Variants in CCBE1 observed in about 807,000 individuals in gnomAD.
CCBE1 encodes collagen and calcium-binding EGF domain-containing protein 1.
A neutral mutation model predicts 50.0 loss-of-function variants in CCBE1; 37 were observed. The observed-to-expected ratio is 0.74, with a 90% CI of 0.57 to 0.97. The LOEUF is 0.97. Ranked by LOEUF, CCBE1 falls within the 50% of genes least tolerant of loss-of-function variation. CCBE1 has a pLI of 0.00. For synonymous variants in CCBE1, 234 were observed against 203.7 expected (o/e 1.15, Z -1.27); for missense variants, 538 against 523.8 (o/e 1.03, Z -0.26).
At chr18:59,609,493 A>T (rs2053543329) in intron 2 of CCBE1, among the ~76,000 whole-genome samples, 1 of 152,214 alleles carries the variant, frequency 6.6e-6, no homozygotes, top group Non-Finnish European at 1.5e-5. Context: ...CTAGACAGGA[A>T]TCATCCTTGG....
chr18:59,513,543 T>C (rs1193961249), intron 2 of CCBE1, among the ~76,000 whole-genome samples: 1 of 152,184 alleles, frequency 6.6e-6, no homozygotes, highest in Non-Finnish European at 1.5e-5. Context: ...CAGGTAAGTC[T>C]GGAGGCAGGT....
At chr18:59,696,497 C>G (rs539003531) in intron 2 of CCBE1, 132 bp downstream of exon 2, 2 of 1,542,130 alleles carry the variant, frequency 1.3e-6, no homozygotes, top group Non-Finnish European at 1.7e-6. Flanking sequence ...CCGCGCGGCA[C>G]GCACCCAGCA....
intron 2 of CCBE1, among the ~76,000 whole-genome samples, chr18:59,562,052 G>C (rs78241652): frequency 0.018 from 2,779 of 152,304 alleles, 68 homozygotes; most frequent in African/African-American, 0.056. Context: ...AGAGAAGATA[G>C]GTCTAGGTTT....
intron 2 of CCBE1, among the ~76,000 whole-genome samples, chr18:59,492,982 C>A (rs1244372297): frequency 2.6e-5 from 4 of 152,240 alleles, no homozygotes; most frequent in African/African-American, 9.6e-5. Context: ...TCCCACCACA[C>A]TGTGGGCAGT....
chr18:59,554,569 G>A (rs1349160673), intron 2 of CCBE1, among the ~76,000 whole-genome samples: 1 of 152,156 alleles, frequency 6.6e-6, no homozygotes, highest in East Asian at 1.9e-4. Flanking sequence ...TCGCCTTTGA[G>A]TCACTAGTCC....
chr18:59,493,950 C>T (rs1598949889), intron 2 of CCBE1, among the ~76,000 whole-genome samples: 1 of 152,268 alleles, frequency 6.6e-6, no homozygotes, highest in South Asian at 2.1e-4. Flanking sequence ...TCTCTCTTTG[C>T]CTGCCACCAT....
At chr18:59,562,760 A>G (rs1335140242) in intron 2 of CCBE1, among the ~76,000 whole-genome samples, 1 of 152,164 alleles carries the variant, frequency 6.6e-6, no homozygotes, top group Non-Finnish European at 1.5e-5. Flanking sequence ...TTCCCTGAGC[A>G]CTCAGCTGTC....
At chr18:59,458,975 T>A (rs1911336121) in intron 5 of CCBE1, 1 of 152,222 alleles carries the variant, frequency 6.6e-6, no homozygotes, top group Non-Finnish European at 1.5e-5. Flanking sequence ...TGCTGCTAAC[T>A]AGTACCTTTT....
chr18:59,696,830 G>T, intron 1 of CCBE1, 121 bp from the exon 2 acceptor site: 1 of 1,121,490 alleles, frequency 8.9e-7, no homozygotes, highest in Admixed American at 1.9e-5. Flanking sequence ...GCTCTGGGCA[G>T]GGGCTGGTCC....
intron 2 of CCBE1, among the ~76,000 whole-genome samples, chr18:59,582,302 T>C (rs2053096563): frequency 6.6e-6 from 1 of 152,198 alleles, no homozygotes; most frequent in South Asian, 2.1e-4. Flanking sequence ...GAAAACTGCA[T>C]GGTGACCTGA....
intron 2 of CCBE1, among the ~76,000 whole-genome samples, chr18:59,525,988 T>C (rs1433775368): frequency 6.6e-6 from 1 of 152,210 alleles, no homozygotes; most frequent in African/African-American, 2.4e-5. Context: ...TTGGTTAATG[T>C]AGCCTTGTAG....
At chr18:59,537,524 G>C (rs1306610543) in intron 2 of CCBE1, among the ~76,000 whole-genome samples, 1 of 152,178 alleles carries the variant, frequency 6.6e-6, no homozygotes, top group Non-Finnish European at 1.5e-5. Context: ...CTGCTGCCAT[G>C]TAAGATGTGC....
chr18:59,599,410 C>T (rs1013113361), intron 2 of CCBE1, among the ~76,000 whole-genome samples: 3 of 152,102 alleles, frequency 2.0e-5, no homozygotes, highest in Non-Finnish European at 2.9e-5. Context: ...ATGTAATTAC[C>T]ATACCTGGAT....
intron 2 of CCBE1, among the ~76,000 whole-genome samples, chr18:59,606,123 C>T (rs771093081): frequency 1.2e-4 from 18 of 152,302 alleles, no homozygotes; most frequent in Admixed American, 6.5e-4. Context: ...AGTAATAACA[C>T]GCTTAATTCT....
intron 2 of CCBE1, among the ~76,000 whole-genome samples, chr18:59,624,352 G>A (rs2053750682): frequency 6.6e-6 from 1 of 152,230 alleles, no homozygotes; most frequent in Non-Finnish European, 1.5e-5. Flanking sequence ...TACTAAAGTT[G>A]CAATTGAGGG....
chr18:59,652,791 C>T (rs2054142674), intron 2 of CCBE1, among the ~76,000 whole-genome samples: 1 of 152,120 alleles, frequency 6.6e-6, no homozygotes, highest in Non-Finnish European at 1.5e-5. Context: ...GGTGAAACCC[C>T]ATCTCTACTA....
At chr18:59,545,500 C>T (rs958691) in intron 2 of CCBE1, among the ~76,000 whole-genome samples, 78 of 152,316 alleles carry the variant, frequency 5.1e-4, no homozygotes, top group African/African-American at 1.7e-3. Context: ...AGATTTAACT[C>T]ATCTTATTAT....
chr18:59,462,672 C>T (rs985092816), intron 5 of CCBE1: 2 of 142,944 alleles, frequency 1.4e-5, no homozygotes, highest in East Asian at 2.1e-4. Flanking sequence ...GTTTGACCCA[C>T]CACACCTGAC....
At chr18:59,483,480 G>A (rs1179944223) in intron 2 of CCBE1, among the ~76,000 whole-genome samples, 2 of 152,036 alleles carry the variant, frequency 1.3e-5, no homozygotes, top group East Asian at 3.9e-4. Context: ...TTTGGATTAG[G>A]GATGCTCAAC....
Sources: allele counts gnomAD v4.1 joint callset (sites outside exome capture counted in the v4.1 genomes callset), GRCh38; gene constraint gnomAD v4.1.1; transcripts MANE v1.5; gene names NCBI Gene and HGNC (gene_info 2026-07-23, HGNC 2026-07-21).